The following KDM4B variants were observed in gnomAD, a reference collection of about 807,000 sequenced individuals.
KDM4B encodes the protein lysine demethylase 4B, also known as lysine-specific demethylase 4B.
KDM4B carries 32 observed loss-of-function variants against 125.2 expected under a neutral mutation model. The observed-to-expected ratio is 0.26, with a 90% CI of 0.19 to 0.34. The LOEUF is 0.34. Among genes scored for constraint, KDM4B ranks in the 10% least tolerant of loss-of-function variants. The pLI, the probability that KDM4B is intolerant of heterozygous loss-of-function variation, is 1.00. For synonymous variants in KDM4B, 721 were observed against 677.9 expected (o/e 1.06, Z -0.99); for missense variants, 1,190 against 1,577.7 (o/e 0.75, Z 4.16).
In KDM4B at chr19:4,985,484, T is replaced by C. The variant is rs2034796041; in HGVS notation, c.-109+16254T>C. Among the ~76,000 whole-genome samples, 2 of 152,242 alleles carry C rather than the reference T, an allele frequency of 1.3e-5. 1 individual carries two copies. The highest frequency in any genetic ancestry group is 4.1e-4 in the South Asian group (2 of 4,832). On this transcript the variant is annotated intron_variant, in intron 1 of 22. Coordinates refer to ENST00000159111, the MANE Select transcript of KDM4B (RefSeq NM_015015.3). ...CTGGTTTAGAGGTGGTAGAATGTTC[T>C]AGCTCTGTGAGGCTGGGATTCCCAA...
chr19:4,977,384 G>C (rs2034484573), intron 1 of KDM4B, among the ~76,000 whole-genome samples: 1 of 152,090 alleles, frequency 6.6e-6, no homozygotes, highest in Non-Finnish European at 1.5e-5. Flanking sequence ...CCCGTTTGCT[G>C]GTAGGCGCGA....
chr19:4,995,303 C>G (rs1027748389), intron 1 of KDM4B, among the ~76,000 whole-genome samples: 8 of 152,058 alleles, frequency 5.3e-5, no homozygotes, highest in African/African-American at 1.9e-4. Flanking sequence ...CAGTGGGTCT[C>G]ACCCACTTGG....
At chr19:5,009,070 A>G (rs2035653115) in intron 1 of KDM4B, among the ~76,000 whole-genome samples, 1 of 151,606 alleles carries the variant, frequency 6.6e-6, no homozygotes, top group Admixed American at 6.6e-5. Context: ...GGATGCCACC[A>G]CGCTCAGCTA....
At chr19:5,028,084 C>G (rs903523884) in intron 2 of KDM4B, among the ~76,000 whole-genome samples, 3 of 152,170 alleles carry the variant, frequency 2.0e-5, no homozygotes, top group Admixed American at 2.0e-4. Flanking sequence ...TCAAGTGATA[C>G]TCCTGCCTCA....
At chr19:5,093,419 G>A (rs2038751758) in intron 9 of KDM4B, among the ~76,000 whole-genome samples, 1 of 152,190 alleles carries the variant, frequency 6.6e-6, no homozygotes. Flanking sequence ...GTGCTGCCAG[G>A]AATGGCCCCG....
At chr19:4,984,347 T>C (rs2034753533) in intron 1 of KDM4B, among the ~76,000 whole-genome samples, 1 of 152,240 alleles carries the variant, frequency 6.6e-6, no homozygotes, top group South Asian at 2.1e-4. Context: ...GGGTTTATGC[T>C]GCTCTTCGTG....
intron 5 of KDM4B, among the ~76,000 whole-genome samples, chr19:5,042,878 T>C (rs889986081): frequency 6.6e-6 from 1 of 151,076 alleles, no homozygotes; most frequent in African/African-American, 2.4e-5. Context: ...ACAAAATTCA[T>C]CTGTATTTCG....
chr19:5,084,809 G>A (rs918144599), intron 9 of KDM4B, among the ~76,000 whole-genome samples: 12 of 151,214 alleles, frequency 7.9e-5, no homozygotes, highest in South Asian at 4.2e-4. Flanking sequence ...GTGAGGACCC[G>A]TCTCAAAGAA....
chr19:5,086,031 C>T (rs918994976), intron 9 of KDM4B, among the ~76,000 whole-genome samples: 1 of 152,186 alleles, frequency 6.6e-6, no homozygotes, highest in Non-Finnish European at 1.5e-5. Flanking sequence ...TGGTGTCCCT[C>T]TGGCCGGCCC....
Position 4,997,399 on chromosome 19 carries a change from T to C in KDM4B, c.-108-18858T>C, listed in dbSNP as rs1239681197. 6.6e-6 allele frequency among the ~76,000 whole-genome samples: 1 copy of C among 152,150 alleles called. No homozygotes were observed. Among genetic ancestry groups the C allele is most frequent in the African/African-American group, 2.4e-5 (1 of 41,416 alleles). The stretch of plus-strand genomic sequence containing the variant: ...GCCCCTGGCTTCCACTGTGTCCTTC[T>C]GTGGTTCATGAGGACCTGCCATCTG... On this transcript the variant is annotated intron_variant, in intron 1 of 22. Coordinates refer to ENST00000159111, the MANE Select transcript of KDM4B (RefSeq NM_015015.3). The surrounding 1 kb of genome is among the most constrained non-coding windows in gnomAD (Gnocchi z 4.2).
chr19:5,147,156 G>A (rs184153308), intron 21 of KDM4B, among the ~76,000 whole-genome samples: 41 of 152,192 alleles, frequency 2.7e-4, no homozygotes, highest in African/African-American at 9.9e-4. Flanking sequence ...CCAGAGATCA[G>A]GCTGAGCATG....
At chr19:4,983,783 G>C (rs1345262162) in intron 1 of KDM4B, among the ~76,000 whole-genome samples, 2 of 152,178 alleles carry the variant, frequency 1.3e-5, no homozygotes, top group African/African-American at 4.8e-5. Flanking sequence ...GCTTCAAAGG[G>C]CTTGAGCTAT....
chr19:5,054,489 T>C (rs735469), intron 6 of KDM4B, among the ~76,000 whole-genome samples: 24,575 of 116,076 alleles, frequency 0.21, 3,370 homozygotes, highest in African/African-American at 0.43. Flanking sequence ...TGTGTGTGTG[T>C]GCGCGCGCAT....
chr19:5,059,605 C>G (rs945408818), intron 6 of KDM4B, among the ~76,000 whole-genome samples: 1 of 152,222 alleles, frequency 6.6e-6, no homozygotes, highest in Non-Finnish European at 1.5e-5. Context: ...TCATGGCCAT[C>G]GGCCTGTGTG....
rs767457022 is a variant in KDM4B, at chr19:5,114,546, C to T, written c.1115+3728C>T. Reference sequence around the variant, plus strand: ...GACCTGCCAGCCCCTGCAGGGAGTGCGCAGCCTCAGGGACTCACTTGCTGT... The same window carrying T: ...GACCTGCCAGCCCCTGCAGGGAGTGTGCAGCCTCAGGGACTCACTTGCTGT... On this transcript the variant is annotated intron_variant, in intron 10 of 22. Coordinates refer to ENST00000159111, the MANE Select transcript of KDM4B (RefSeq NM_015015.3). This position sits in a 1 kb window ranked among gnomAD's most constrained non-coding sequence, Gnocchi z 5.8. 1.4e-4 allele frequency: 49 copies of T among 349,440 alleles called. No homozygotes were observed. The highest frequency in any genetic ancestry group is 2.3e-4 in the Non-Finnish European group (41 of 175,508). The allele number at this position is 349,440 out of a possible 1,614,324, so 21.6% of individuals were successfully genotyped here.
chr19:5,066,763 G>A (rs960503940), intron 6 of KDM4B, among the ~76,000 whole-genome samples: 2 of 152,228 alleles, frequency 1.3e-5, no homozygotes, highest in African/African-American at 4.8e-5. Context: ...CCGGGCTGGA[G>A]ATGCGGAGCC....
intron 1 of KDM4B, among the ~76,000 whole-genome samples, chr19:4,996,021 C>G (rs1055315353): frequency 6.6e-6 from 1 of 152,100 alleles, no homozygotes; most frequent in Non-Finnish European, 1.5e-5. Flanking sequence ...GACAGTGTCT[C>G]GCTCTGTCGC....
chr19:5,003,287 G>A (rs1395952812), intron 1 of KDM4B, among the ~76,000 whole-genome samples: 5 of 152,002 alleles, frequency 3.3e-5, no homozygotes, highest in African/African-American at 1.2e-4. Flanking sequence ...TCAGGAGTTC[G>A]AGACCAGCCT....
At chr19:4,998,953 G>T (rs562530510) in intron 1 of KDM4B, among the ~76,000 whole-genome samples, 2 of 152,112 alleles carry the variant, frequency 1.3e-5, no homozygotes, top group Non-Finnish European at 2.9e-5. Context: ...CCCATTTCTG[G>T]TGATGTTAAC....
Sources: gnomAD v4.1 joint callset for allele counts (sites outside exome capture counted in the v4.1 genomes callset) on GRCh38, gnomAD v4.1.1 for gene constraint, Gnocchi (gnomAD v3.1) non-coding constraint, MANE v1.5 for transcripts, NCBI Gene and HGNC (gene_info 2026-07-23, HGNC 2026-07-21) for gene names.